The following LRRC69 variants were observed in gnomAD, a reference collection of about 807,000 sequenced individuals.
LRRC69 encodes leucine rich repeat containing 69.
In LRRC69, 42 loss-of-function variants were observed where a neutral mutation model predicts 37.8. The observed-to-expected ratio is 1.11, with a 90% CI of 0.87 to 1.44. LRRC69 has a LOEUF of 1.44. Among genes scored for constraint, LRRC69 ranks in the 40% most tolerant of loss-of-function variants. The probability of loss-of-function intolerance (pLI) is 0.00; values close to 1 mark genes in which losing one functional copy is unlikely to be tolerated. For missense variants in LRRC69, 357 were observed against 401.9 expected (o/e 0.89, Z 0.96); for synonymous variants, 141 against 143.1 (o/e 0.99, Z 0.11).
chr8:91,186,584 G>A (rs1809411809), intron 5 of LRRC69, among the ~76,000 whole-genome samples: 1 of 152,190 alleles, frequency 6.6e-6, no homozygotes, highest in Admixed American at 6.5e-5. Context: ...TATGACATAT[G>A]AGGGCTTTGG....
At chr8:91,146,414 G>A (rs531844771) in intron 5 of LRRC69, among the ~76,000 whole-genome samples, 1 of 151,842 alleles carries the variant, frequency 6.6e-6, no homozygotes, top group Non-Finnish European at 1.5e-5. Context: ...TTCAAAATCA[G>A]GGCCAATATT....
At chr8:91,208,132 C>T (rs1319071980) in intron 7 of LRRC69, among the ~76,000 whole-genome samples, 2 of 152,136 alleles carry the variant, frequency 1.3e-5, no homozygotes, top group Admixed American at 6.5e-5. Context: ...ACTTTAAAGA[C>T]CCTATCTCCA....
intron 3 of LRRC69, among the ~76,000 whole-genome samples, chr8:91,129,683 T>A (rs1299167970): frequency 6.6e-6 from 1 of 151,990 alleles, no homozygotes; most frequent in African/African-American, 2.4e-5. Context: ...CCCTTTATAC[T>A]GCAAAGAACT....
chr8:91,179,355 C>T (rs1236106167), intron 5 of LRRC69, among the ~76,000 whole-genome samples: 1 of 152,042 alleles, frequency 6.6e-6, no homozygotes, highest in East Asian at 1.9e-4. Context: ...AGGGAAAGTG[C>T]AACATACTTT....
At position 91,129,608 on chromosome 8, in the gene LRRC69, C is replaced by T. The variant is rs549505256; in HGVS notation, c.383+2448C>T. 4.6e-5 allele frequency among the ~76,000 whole-genome samples: 7 copies of T among 151,984 alleles called. No individual in the cohort carries two copies. In the East Asian group the frequency reaches 1.4e-3, roughly 29 times the overall value. On this transcript the variant is annotated intron_variant, in intron 3 of 7. Coordinates refer to ENST00000448384, the Ensembl canonical transcript of LRRC69. Reference sequence around the variant, plus strand: ...GATTAATGAAGAAAATTCCCCATCCCTTTCCCCACAGGACCTGCTCCACAC... The same window carrying T: ...GATTAATGAAGAAAATTCCCCATCCTTTTCCCCACAGGACCTGCTCCACAC...
At chr8:91,113,748 A>C (rs1327673796) in intron 1 of LRRC69, among the ~76,000 whole-genome samples, 1 of 151,868 alleles carries the variant, frequency 6.6e-6, no homozygotes, top group African/African-American at 2.4e-5. Context: ...AGCAAAGGAA[A>C]CAATCATCAG....
chr8:91,129,763 G>A (rs1359506292), intron 3 of LRRC69, among the ~76,000 whole-genome samples: 1 of 151,706 alleles, frequency 6.6e-6, no homozygotes, highest in Non-Finnish European at 1.5e-5. Context: ...TCTCTCCATT[G>A]TTCTATTTCT....
chr8:91,106,688 A>G (rs1813318616), intron 1 of LRRC69, among the ~76,000 whole-genome samples: 1 of 152,122 alleles, frequency 6.6e-6, no homozygotes, highest in South Asian at 2.1e-4. Context: ...TTAGTGTGAA[A>G]TTTATCAGGG....
intron 5 of LRRC69, 111 bp from the exon 6 acceptor site, chr8:91,189,411 G>A (rs1809455980): frequency 2.7e-6 from 2 of 729,252 alleles, no homozygotes; most frequent in African/African-American, 3.6e-5. Flanking sequence ...TATTTACTGT[G>A]GATTTTTAGT....
intron 7 of LRRC69, among the ~76,000 whole-genome samples, chr8:91,211,893 T>G (rs1232476861): frequency 2.0e-5 from 3 of 152,016 alleles, no homozygotes; most frequent in Non-Finnish European, 4.4e-5. Context: ...CAATCAAATA[T>G]CAAGTTGTAA....
chr8:91,187,335 A>T (rs909513285), intron 5 of LRRC69, among the ~76,000 whole-genome samples: 6 of 152,188 alleles, frequency 3.9e-5, no homozygotes, highest in Admixed American at 6.5e-5. Flanking sequence ...GTCTTGCCAC[A>T]TCTTCTTTTC....
At chr8:91,111,370 T>A (rs1813407649) in intron 1 of LRRC69, among the ~76,000 whole-genome samples, 1 of 151,804 alleles carries the variant, frequency 6.6e-6, no homozygotes, top group Non-Finnish European at 1.5e-5. Flanking sequence ...CCGTCTCTAT[T>A]AAAAATACAA....
intron 6 of LRRC69, among the ~76,000 whole-genome samples, chr8:91,190,642 C>T (rs1414054138): frequency 6.6e-6 from 1 of 152,096 alleles, no homozygotes; most frequent in Admixed American, 6.5e-5. Flanking sequence ...CAGACCATGA[C>T]ATCTTTTTTG....
rs117174887 is a variant in LRRC69 at position 91,215,090 on chromosome 8, G to A, written c.934-3800G>A. 1.3e-3 allele frequency among the ~76,000 whole-genome samples: 202 copies of A among 151,842 alleles called. 1 individual carries two copies. The East Asian group carries it at 0.035, about 26-fold the overall frequency. On this transcript the variant is annotated intron_variant, in intron 7 of 7. Transcript: ENST00000448384. ...TTAACAACTCTTGTGATTACATGGCGCCCACCTAGGTAGTCCAGGGTAACT... is the reference window on the plus strand; with the variant it reads ...TTAACAACTCTTGTGATTACATGGCACCCACCTAGGTAGTCCAGGGTAACT...
At chr8:91,195,610 G>T (rs1387352476) in intron 6 of LRRC69, among the ~76,000 whole-genome samples, 1 of 151,384 alleles carries the variant, frequency 6.6e-6, no homozygotes, top group Non-Finnish European at 1.5e-5. Context: ...GGCCTTCTTT[G>T]TCTCTTTTGA....
intron 6 of LRRC69, among the ~76,000 whole-genome samples, chr8:91,200,133 AG>A (rs1809687725): frequency 6.6e-6 from 1 of 152,176 alleles, no homozygotes; most frequent in Non-Finnish European, 1.5e-5. Flanking sequence ...TTGATTCAGT[AG>A]GTCTGGAGTG....
intron 5 of LRRC69, among the ~76,000 whole-genome samples, chr8:91,180,454 T>C (rs1185904284): frequency 1.6e-5 from 2 of 128,728 alleles, no homozygotes; most frequent in African/African-American, 3.1e-5. Context: ...TGCAATACCT[T>C]TTATGGTCTA....
intron 5 of LRRC69, among the ~76,000 whole-genome samples, chr8:91,166,375 A>G (rs1278342843): frequency 1.3e-5 from 2 of 149,880 alleles, no homozygotes; most frequent in Non-Finnish European, 3.0e-5. Context: ...AGGTGGTATT[A>G]TTGCTTTCTT....
At chr8:91,183,014 A>G (rs1216975072) in intron 5 of LRRC69, among the ~76,000 whole-genome samples, 1 of 152,206 alleles carries the variant, frequency 6.6e-6, no homozygotes, top group African/African-American at 2.4e-5. Flanking sequence ...GGGGAAAGAT[A>G]CATTCCAGAC....
Sources: gnomAD v4.1 joint callset for allele counts (sites outside exome capture counted in the v4.1 genomes callset) on GRCh38, gnomAD v4.1.1 for gene constraint, MANE v1.5 for transcripts, NCBI Gene and HGNC (gene_info 2026-07-23, HGNC 2026-07-21) for gene names.